The following IL1RAPL2 variants were observed in gnomAD, a reference collection of about 807,000 sequenced individuals.
IL1RAPL2 encodes X-linked interleukin-1 receptor accessory protein-like 2.
A neutral mutation model predicts 44.1 loss-of-function variants in IL1RAPL2; 3 were observed. The observed-to-expected ratio is 0.07, with a 90% CI of 0.03 to 0.18. The LOEUF (loss-of-function observed/expected upper bound fraction) is 0.18. IL1RAPL2 is among the 10% of genes least tolerant of loss of function. The pLI, the probability that IL1RAPL2 is intolerant of heterozygous loss-of-function variation, is 1.00. For missense variants in IL1RAPL2, 391 were observed against 496.4 expected (o/e 0.79, Z 2.02); for synonymous variants, 181 against 178.8 (o/e 1.01, Z -0.10).
At chrX:105,450,768 C>G (rs1009478693) in intron 5 of IL1RAPL2, among the ~76,000 whole-genome samples, 2 of 111,937 alleles carry the variant, frequency 1.8e-5, no homozygotes, top group East Asian at 5.6e-4. Flanking sequence ...AACATTGACA[C>G]ATACTGGTGG....
chrX:104,741,444 G>A (rs1203457094), intron 2 of IL1RAPL2, among the ~76,000 whole-genome samples: 6 of 110,847 alleles, frequency 5.4e-5, no homozygotes, highest in Non-Finnish European at 1.1e-4. Flanking sequence ...ATGAATATTT[G>A]TATTTGGATT....
intron 2 of IL1RAPL2, among the ~76,000 whole-genome samples, chrX:105,114,083 C>G (rs962722765): frequency 6.3e-5 from 7 of 111,742 alleles, no homozygotes; most frequent in African/African-American, 9.8e-5. Flanking sequence ...TTCTAACCCC[C>G]AAGGTGATGA....
intron 6 of IL1RAPL2, among the ~76,000 whole-genome samples, chrX:105,531,771 A>C (rs1038233200): frequency 7.2e-5 from 8 of 111,859 alleles, no homozygotes; most frequent in African/African-American, 2.6e-4. Context: ...ATTCTCCTAC[A>C]TATGGATATC....
At chrX:105,453,833 C>T (rs930372119) in intron 5 of IL1RAPL2, among the ~76,000 whole-genome samples, 1 of 111,754 alleles carries the variant, frequency 8.9e-6, no homozygotes, top group African/African-American at 3.3e-5. Flanking sequence ...ATGCTAAATA[C>T]AGTATAAGTT....
intron 2 of IL1RAPL2, among the ~76,000 whole-genome samples, chrX:104,797,361 G>A (rs1473526156): frequency 9.1e-6 from 1 of 110,277 alleles, no homozygotes; most frequent in Non-Finnish European, 1.9e-5. Context: ...CTGAAAGAAT[G>A]GTTGGAATGA....
intron 2 of IL1RAPL2, among the ~76,000 whole-genome samples, chrX:104,667,342 G>A (rs993359929): frequency 4.5e-5 from 5 of 111,345 alleles, no homozygotes; most frequent in Non-Finnish European, 9.4e-5. Flanking sequence ...TCTTATGATG[G>A]GTCCCTCTCA....
At chrX:105,472,597 C>T (rs962318956) in intron 5 of IL1RAPL2, among the ~76,000 whole-genome samples, 5 of 111,893 alleles carry the variant, frequency 4.5e-5, no homozygotes, top group African/African-American at 1.3e-4. Flanking sequence ...ATCTTGAAAT[C>T]ACCTAGCTTA....
intron 6 of IL1RAPL2, among the ~76,000 whole-genome samples, chrX:105,672,086 G>A (rs1278414101): frequency 9.0e-6 from 1 of 111,368 alleles, no homozygotes; most frequent in Non-Finnish European, 1.9e-5. Flanking sequence ...ATAATTGTTT[G>A]CTGGAGTTTT....
At chrX:105,389,163 C>G (rs1259451484) in intron 5 of IL1RAPL2, among the ~76,000 whole-genome samples, 2 of 111,561 alleles carry the variant, frequency 1.8e-5, no homozygotes, top group East Asian at 2.8e-4. Context: ...TTGTTATTGG[C>G]AATTCAGAAA....
intron 1 of IL1RAPL2, among the ~76,000 whole-genome samples, chrX:104,649,078 G>GT (rs1482882355): frequency 9.0e-6 from 1 of 110,524 alleles, no homozygotes; most frequent in Non-Finnish European, 1.9e-5. Flanking sequence ...GCTTCTTCAT[G>GT]TTTTTTCTCT....
intron 5 of IL1RAPL2, among the ~76,000 whole-genome samples, chrX:105,333,737 T>C (rs116133761): frequency 0.037 from 4,085 of 111,427 alleles, 204 homozygotes; most frequent in African/African-American, 0.13. Flanking sequence ...AAAAAAGACA[T>C]ACAAATGGGA....
intron 2 of IL1RAPL2, among the ~76,000 whole-genome samples, chrX:105,123,933 C>G (rs1343413769): frequency 9.0e-6 from 1 of 111,006 alleles, no homozygotes; most frequent in African/African-American, 3.3e-5. Context: ...AGATAAATTG[C>G]CTCAAACCTG....
intron 1 of IL1RAPL2, among the ~76,000 whole-genome samples, chrX:104,595,833 C>A (rs1397105089): frequency 9.0e-6 from 1 of 111,698 alleles, no homozygotes; most frequent in Non-Finnish European, 1.9e-5. Context: ...ACATAAAAAT[C>A]ACCTAGGGAT....
chrX:104,776,532 A>T (rs1365866570), intron 2 of IL1RAPL2, among the ~76,000 whole-genome samples: 2 of 111,614 alleles, frequency 1.8e-5, no homozygotes, highest in Non-Finnish European at 3.8e-5. Context: ...ACATGGATGA[A>T]CTCAGGATTA....
chrX:105,338,465 A>C (rs2147697960), intron 5 of IL1RAPL2, among the ~76,000 whole-genome samples: 1 of 112,038 alleles, frequency 8.9e-6, no homozygotes, highest in South Asian at 3.7e-4. Context: ...TGGAGCCTGA[A>C]TCTTCATCTA....
intron 2 of IL1RAPL2, among the ~76,000 whole-genome samples, chrX:104,699,200 A>C: frequency 9.0e-6 from 1 of 111,581 alleles, no homozygotes; most frequent in East Asian, 2.8e-4. Context: ...GCATGATTCA[A>C]GTGCATTACA....
chrX:104,626,528 C>A (rs756788073), intron 1 of IL1RAPL2, among the ~76,000 whole-genome samples: 2 of 110,401 alleles, frequency 1.8e-5, no homozygotes, highest in African/African-American at 6.6e-5. Flanking sequence ...TGATGGTCAC[C>A]AAGTAGTAAT....
chrX:104,920,818 A>G (rs991471468), intron 2 of IL1RAPL2, among the ~76,000 whole-genome samples: 1 of 110,721 alleles, frequency 9.0e-6, no homozygotes, highest in African/African-American at 3.3e-5. Context: ...AAAGATGCTG[A>G]TTAGATACAG....
intron 2 of IL1RAPL2, among the ~76,000 whole-genome samples, chrX:104,717,668 T>A (rs763876278): frequency 1.3e-3 from 145 of 109,419 alleles, no homozygotes; most frequent in Middle Eastern, 4.6e-3. Context: ...CGTGCAGGTT[T>A]GTTACATATG....
Sources: gnomAD v4.1 joint callset for allele counts (sites outside exome capture counted in the v4.1 genomes callset) on GRCh38, gnomAD v4.1.1 for gene constraint, MANE v1.5 for transcripts, NCBI Gene and HGNC (gene_info 2026-07-23, HGNC 2026-07-21) for gene names.